Variants in RALGPS1 observed in about 807,000 individuals in gnomAD.
The protein encoded by RALGPS1 is Ral GEF with PH domain and SH3 binding motif 1.
In RALGPS1, 19 loss-of-function variants were observed where a neutral mutation model predicts 78.8. The observed-to-expected ratio is 0.24, with a 90% confidence interval of 0.17 to 0.35. RALGPS1 has a LOEUF of 0.35. RALGPS1 is among the 10% of genes least tolerant of loss of function. The pLI is 1.00. For synonymous variants in RALGPS1, 228 were observed against 256.3 expected (o/e 0.89, Z 1.06); for missense variants, 454 against 688.3 (o/e 0.66, Z 3.81).
intron 14 of RALGPS1, among the ~76,000 whole-genome samples, chr9:127,207,722 G>A (rs923962788): frequency 7.2e-5 from 11 of 152,072 alleles, no homozygotes; most frequent in Non-Finnish European, 1.2e-4. Flanking sequence ...TGCCCAGCAC[G>A]GTCCTCCTCC....
intron 14 of RALGPS1, among the ~76,000 whole-genome samples, chr9:127,208,597 G>A (rs1242806834): frequency 1.3e-5 from 2 of 152,146 alleles, no homozygotes; most frequent in Admixed American, 6.5e-5. Context: ...GAGTGCACTC[G>A]ATGAAGTTGC....
Position 126,962,235 on chromosome 9 carries a change from G to T in RALGPS1, c.-55G>T. 6.3e-7 allele frequency: 1 copy of T among 1,589,786 alleles called. No homozygotes were observed. Among genetic ancestry groups the T allele is most frequent in the Non-Finnish European group, 8.6e-7 (1 of 1,158,902 alleles). On this transcript the variant is annotated 5_prime_UTR_variant, in exon 2 of 19. Transcript: ENST00000259351. ...CCCTTTGCCTTGCAGGACTTCTCCA[G>T]ACAGGTTATGTTACCTGCAGAGGCT...
At position 127,108,426 on chromosome 9, in the gene RALGPS1, C is replaced by G. The variant is rs1564594997; in HGVS notation, c.610+39070C>G. 6.2e-7 allele frequency: 1 copy of G among 1,608,402 alleles called. No homozygotes were observed. Among genetic ancestry groups the G allele is most frequent in the Non-Finnish European group, 8.5e-7 (1 of 1,178,790 alleles). On this transcript the variant is annotated intron_variant, in intron 8 of 18. Transcript: ENST00000259351. The stretch of plus-strand genomic sequence containing the variant: ...CCACCAGCTGCTGCAGCGTCTCGAT[C>G]TGCCGCTTCTGCTTGAGCAGCTCAT...
intron 3 of RALGPS1, among the ~76,000 whole-genome samples, chr9:126,975,605 A>T (rs183055159): frequency 6.6e-6 from 1 of 152,136 alleles, no homozygotes; most frequent in South Asian, 2.1e-4. Flanking sequence ...TAATCCAAAT[A>T]TGAGAAGCAC....
At chr9:127,086,092 GA>G (rs2051699689) in intron 8 of RALGPS1, among the ~76,000 whole-genome samples, 1 of 152,120 alleles carries the variant, frequency 6.6e-6, no homozygotes, top group Non-Finnish European at 1.5e-5. Flanking sequence ...GAGCTTCTGT[GA>G]AGGTGACGTA....
chr9:126,975,605 A>G (rs183055159), intron 3 of RALGPS1, among the ~76,000 whole-genome samples: 1 of 152,254 alleles, frequency 6.6e-6, no homozygotes, highest in African/African-American at 2.4e-5. Context: ...TAATCCAAAT[A>G]TGAGAAGCAC....
rs2060422061 is a variant in RALGPS1 at position 127,183,515 on chromosome 9, A to G, written c.910+8733A>G. Among the ~76,000 whole-genome samples, 1 of 152,110 alleles carries G rather than the reference A, an allele frequency of 6.6e-6. No homozygotes were observed. The highest frequency in any genetic ancestry group is 2.1e-4 in the South Asian group (1 of 4,832). On this transcript the variant is annotated intron_variant, in intron 11 of 18. Coordinates refer to ENST00000259351, the MANE Select transcript of RALGPS1 (RefSeq NM_014636.3). The surrounding 1 kb of genome is among the most constrained non-coding windows in gnomAD (Gnocchi z 4.0). ...TCCTCATTCTAACAGACCTGTGAGC[A>G]CAACAGACCTGCCTGTGGCCACCGC...
chr9:127,027,389 T>C (rs2046046327), intron 4 of RALGPS1, among the ~76,000 whole-genome samples: 1 of 152,222 alleles, frequency 6.6e-6, no homozygotes. Context: ...TGGAATCAGC[T>C]TCTCCCTTTT....
Position 127,122,020 on chromosome 9 carries a change from C to T in RALGPS1, c.611-44049C>T, listed in dbSNP as rs904508225. 3.3e-5 allele frequency among the ~76,000 whole-genome samples: 5 copies of T among 152,186 alleles called. No homozygotes were observed. The highest frequency in any genetic ancestry group is 7.2e-5 in the African/African-American group (3 of 41,450). ...CACACTCCCAGCTGCTCTGCCGTGC[C>T]GGGAGCTGCCGGCCGGCACCCCAAA... On this transcript the variant is annotated intron_variant, in intron 8 of 18. Transcript: ENST00000259351. This position sits in a 1 kb window ranked among gnomAD's most constrained non-coding sequence, Gnocchi z 6.4.
chr9:126,957,352 G>A (rs969481832), intron 1 of RALGPS1, among the ~76,000 whole-genome samples: 3 of 147,856 alleles, frequency 2.0e-5, no homozygotes, highest in African/African-American at 7.3e-5. Context: ...TTTGGGCCAG[G>A]CTGAGCAGTT....
In RALGPS1 at chr9:126,958,158, T is replaced by TAC. The variant is rs60776038; in HGVS notation, c.-65-4051_-65-4050dup. Among the ~76,000 whole-genome samples the TAC allele has an allele frequency of 5.9e-4, 72 of 121,086 alleles. 1 individual carries two copies. The highest frequency in any genetic ancestry group is 1.1e-3 in the African/African-American group (41 of 36,618). 79.4% of individuals were successfully genotyped at this position (121,086 alleles called of 152,430 possible). On this transcript the variant is annotated intron_variant, in intron 1 of 18. Coordinates refer to ENST00000259351, the MANE Select transcript of RALGPS1 (RefSeq NM_014636.3). ...AAAAAAAAAAATATATATATATATATACACACACACACACACATATATGTG... is the reference window on the plus strand; with the variant it reads ...AAAAAAAAAAATATATATATATATATACACACACACACACACACATATATGTG...
chr9:127,177,841 A>T, intron 11 of RALGPS1: 1 of 1,545,850 alleles, frequency 6.5e-7, no homozygotes. Flanking sequence ...CTCCTCAGGT[A>T]CAGCCTCCTT....
rs1013501383 is a variant in RALGPS1 at position 127,120,022 on chromosome 9, C to T, written c.611-46047C>T. ...AGCCCACTGGAACCTCAGGGGGCCA[C>T]AGCACAGAAGCTCCTCTCCTGGGCT... On this transcript the variant is annotated intron_variant, in intron 8 of 18. Transcript: ENST00000259351. 2.0e-5 allele frequency among the ~76,000 whole-genome samples: 3 copies of T among 152,324 alleles called. No homozygotes were observed. In the South Asian group the frequency reaches 6.2e-4, roughly 32 times the overall value.
At chr9:127,066,736 T>C (rs941663115) in intron 7 of RALGPS1, among the ~76,000 whole-genome samples, 8 of 152,174 alleles carry the variant, frequency 5.3e-5, no homozygotes, top group Non-Finnish European at 1.0e-4. Context: ...AAATTTCTCA[T>C]CCTTAAGTGT....
chr9:127,211,982 C>T lies in RALGPS1; in HGVS notation c.1248-149C>T, dbSNP rs979219462. On this transcript the variant is annotated intron_variant, in intron 14 of 18. Coordinates refer to ENST00000259351, the MANE Select transcript of RALGPS1 (RefSeq NM_014636.3). This position sits in a 1 kb window ranked among gnomAD's most constrained non-coding sequence, Gnocchi z 5.0. The stretch of plus-strand genomic sequence containing the variant: ...CCTTCATGTGCGTTATCACCTGGCC[C>T]TCCCCTCCGGGCCTTGCTCTGCGCC... The T allele has an allele frequency of 5.0e-6, 3 of 595,356 alleles. No individual in the cohort carries two copies. Among genetic ancestry groups the T allele is most frequent in the African/African-American group, 3.8e-5 (2 of 53,130 alleles). The allele number at this position is 595,356 out of a possible 1,614,324, so 36.9% of individuals were successfully genotyped here.
intron 8 of RALGPS1, among the ~76,000 whole-genome samples, chr9:127,161,968 A>G (rs76762812): frequency 3.3e-5 from 5 of 152,334 alleles, no homozygotes; most frequent in East Asian, 1.9e-4. Context: ...AATCTGGGCA[A>G]AGCTCTTAGT....
At position 126,919,827 on chromosome 9, in the gene RALGPS1, G is replaced by A. The variant is rs140033477; in HGVS notation, c.-66+4852G>A. Among the ~76,000 whole-genome samples, 65 of 152,146 alleles carry A rather than the reference G, an allele frequency of 4.3e-4. 1 individual carries two copies. In the East Asian group the frequency reaches 0.011, roughly 25 times the overall value. ...TGCTCACATGCTGTGTGTGGAGATCGGCGCACAAGCCATTGATTACCAAAC... is the reference window on the plus strand; with the variant it reads ...TGCTCACATGCTGTGTGTGGAGATCAGCGCACAAGCCATTGATTACCAAAC... On this transcript the variant is annotated intron_variant, in intron 1 of 18. Coordinates refer to ENST00000259351, the MANE Select transcript of RALGPS1 (RefSeq NM_014636.3).
intron 2 of RALGPS1, among the ~76,000 whole-genome samples, chr9:126,964,264 G>A (rs1479945999): frequency 1.3e-5 from 2 of 151,540 alleles, no homozygotes; most frequent in African/African-American, 4.9e-5. Context: ...AGCTACTTGG[G>A]AGACTGAGGC....
chr9:127,146,991 C>T (rs1373928457), intron 8 of RALGPS1, among the ~76,000 whole-genome samples: 2 of 152,224 alleles, frequency 1.3e-5, no homozygotes, highest in African/African-American at 2.4e-5. Flanking sequence ...TTTACATTCC[C>T]ACCAACTGTG....
Sources: allele counts gnomAD v4.1 joint callset (sites outside exome capture counted in the v4.1 genomes callset), GRCh38; gene constraint gnomAD v4.1.1; non-coding constraint Gnocchi (gnomAD v3.1); transcripts MANE v1.5; gene names NCBI Gene and HGNC (gene_info 2026-07-23, HGNC 2026-07-21).